KLHL13: variants seen among roughly 807,000 people sequenced by gnomAD.
KLHL13 encodes the protein kelch-like protein 13.
KLHL13 carries 10 observed loss-of-function variants against 37.1 expected under a neutral mutation model. The observed-to-expected ratio is 0.27, with a 90% confidence interval of 0.17 to 0.46. The LOEUF (loss-of-function observed/expected upper bound fraction) is 0.46, where lower values mean the gene tolerates loss of function less well. Ranked by LOEUF, KLHL13 falls within the 20% of genes least tolerant of loss-of-function variation. The pLI is 1.00. For missense variants in KLHL13, 360 were observed against 509.3 expected (o/e 0.71, Z 2.82); for synonymous variants, 163 against 181.2 (o/e 0.90, Z 0.81).
At chrX:118,089,663 A>AAAGAAAGAAAGAAAG (rs2055104786) in intron 1 of KLHL13, among the ~76,000 whole-genome samples, 2 of 108,372 alleles carry the variant, frequency 1.8e-5, no homozygotes, top group African/African-American at 6.7e-5. Flanking sequence ...AGAAAGAAAG[A>AAAGAAAGAAAGAAAG]AAGAAAAAAG....
intron 1 of KLHL13, among the ~76,000 whole-genome samples, chrX:118,009,734 G>A (rs2054036111): frequency 1.5e-5 from 1 of 66,058 alleles, no homozygotes; most frequent in Non-Finnish European, 2.8e-5. Context: ...GGCGATGCGG[G>A]CTCTTTTTTG....
At chrX:117,981,916 T>C (rs1422708723) in intron 1 of KLHL13, among the ~76,000 whole-genome samples, 1 of 111,293 alleles carries the variant, frequency 9.0e-6, no homozygotes, top group Non-Finnish European at 1.9e-5. Flanking sequence ...AACTGAAAAC[T>C]TCTTAGTATA....
intron 1 of KLHL13, among the ~76,000 whole-genome samples, chrX:118,048,303 T>G (rs774715611): frequency 5.2e-4 from 58 of 111,786 alleles, no homozygotes; most frequent in African/African-American, 1.8e-3. Context: ...AGTACACATA[T>G]GTACACACAT....
At chrX:118,096,648 T>G (rs1252893561) in intron 1 of KLHL13, among the ~76,000 whole-genome samples, 1 of 111,787 alleles carries the variant, frequency 8.9e-6, no homozygotes, top group Non-Finnish European at 1.9e-5. Context: ...TAGACCAATA[T>G]GCCTGATGAA....
At chrX:117,933,405 CAT>C (rs1352879518) in intron 2 of KLHL13, among the ~76,000 whole-genome samples, 1 of 110,887 alleles carries the variant, frequency 9.0e-6, no homozygotes, top group Admixed American at 9.6e-5. Context: ...CAAGAACACA[CAT>C]GAGGAAAGGA....
At chrX:118,105,948 C>T (rs1156837192) in intron 1 of KLHL13, among the ~76,000 whole-genome samples, 1 of 87,970 alleles carries the variant, frequency 1.1e-5, no homozygotes, top group Non-Finnish European at 2.1e-5. Flanking sequence ...GTCGCCCAGG[C>T]TGGAGTGCAG....
intron 1 of KLHL13, among the ~76,000 whole-genome samples, chrX:117,966,093 T>C (rs1238863740): frequency 9.0e-6 from 1 of 111,498 alleles, no homozygotes; most frequent in Non-Finnish European, 1.9e-5. Context: ...GGTATTCAAT[T>C]AGGAAAAGAG....
At chrX:118,056,889 AT>A (rs1457916841) in intron 1 of KLHL13, among the ~76,000 whole-genome samples, 2 of 112,207 alleles carry the variant, frequency 1.8e-5, no homozygotes, top group Non-Finnish European at 3.8e-5. Context: ...TAGGTGTTCA[AT>A]ATATTTTACT....
At chrX:117,900,412 G>A (rs1930013289) in intron 6 of KLHL13, among the ~76,000 whole-genome samples, 1 of 111,743 alleles carries the variant, frequency 8.9e-6, no homozygotes, top group Non-Finnish European at 1.9e-5. Flanking sequence ...TGCAATATAC[G>A]CCAGTTATGC....
At chrX:118,094,211 G>GA (rs1236614447) in intron 1 of KLHL13, among the ~76,000 whole-genome samples, 1 of 111,180 alleles carries the variant, frequency 9.0e-6, no homozygotes. Flanking sequence ...TGATGGAGCT[G>GA]AAAACCACGG....
intron 2 of KLHL13, among the ~76,000 whole-genome samples, chrX:117,924,106 T>C (rs1931874528): frequency 8.9e-6 from 1 of 112,115 alleles, no homozygotes; most frequent in African/African-American, 3.2e-5. Flanking sequence ...TCCAATTCCA[T>C]ATTAGTGAAT....
chrX:118,087,629 G>A (rs980912290), intron 1 of KLHL13, among the ~76,000 whole-genome samples: 2 of 111,024 alleles, frequency 1.8e-5, no homozygotes, highest in African/African-American at 6.5e-5. Context: ...TGTATGCATA[G>A]TACAAAATTA....
chrX:118,103,697 G>A (rs750675077), intron 1 of KLHL13, among the ~76,000 whole-genome samples: 2 of 110,927 alleles, frequency 1.8e-5, no homozygotes, highest in Non-Finnish European at 3.8e-5. Context: ...ACTGACTGTA[G>A]CTTATTACTT....
chrX:117,925,290 A>C (rs1299164888), intron 2 of KLHL13, among the ~76,000 whole-genome samples: 1 of 112,300 alleles, frequency 8.9e-6, no homozygotes. Context: ...ACATTAGAAC[A>C]AACTTACTAG....
chrX:118,085,143 G>T (rs915838013), intron 1 of KLHL13, among the ~76,000 whole-genome samples: 3 of 110,999 alleles, frequency 2.7e-5, no homozygotes, highest in Non-Finnish European at 3.8e-5. Context: ...TCCATCAACC[G>T]ATAAATGAAT....
At chrX:118,115,852 T>C (rs2055462570) in intron 1 of KLHL13, among the ~76,000 whole-genome samples, 1 of 112,574 alleles carries the variant, frequency 8.9e-6, no homozygotes, top group Non-Finnish European at 1.9e-5. Context: ...TAGTTGATAT[T>C]TACTAAGGCT....
chrX:117,989,156 G>A (rs1179823067), intron 1 of KLHL13, among the ~76,000 whole-genome samples: 1 of 111,654 alleles, frequency 9.0e-6, no homozygotes, highest in African/African-American at 3.2e-5. Context: ...TGCTTTAAAT[G>A]TCAGTTTAAC....
At chrX:118,061,783 C>T (rs187230845) in intron 1 of KLHL13, among the ~76,000 whole-genome samples, 12 of 111,200 alleles carry the variant, frequency 1.1e-4, no homozygotes, top group Admixed American at 4.8e-4. Context: ...CCATAGGGAT[C>T]TCAATAAAAA....
chrX:118,061,719 T>A (rs2054744144), intron 1 of KLHL13, among the ~76,000 whole-genome samples: 1 of 111,498 alleles, frequency 9.0e-6, no homozygotes, highest in Non-Finnish European at 1.9e-5. Context: ...GATATTTGAG[T>A]CCATTCTTAA....
Sources: gnomAD v4.1 joint callset for allele counts (sites outside exome capture counted in the v4.1 genomes callset) on GRCh38, gnomAD v4.1.1 for gene constraint, MANE v1.5 for transcripts, NCBI Gene and HGNC (gene_info 2026-07-23, HGNC 2026-07-21) for gene names.